The following PDE1C variants were observed in gnomAD, a reference collection of about 807,000 sequenced individuals.
PDE1C encodes the protein phosphodiesterase 1C.
Under a neutral mutation model 93.1 loss-of-function variants are expected in PDE1C, and 62 were observed. The observed-to-expected ratio is 0.67, with a 90% confidence interval of 0.54 to 0.82. The LOEUF (loss-of-function observed/expected upper bound fraction) is 0.82. Ranked by LOEUF, PDE1C falls within the 40% of genes least tolerant of loss-of-function variation. PDE1C has a pLI of 0.00. For synonymous variants in PDE1C, 325 were observed against 310.1 expected (o/e 1.05, Z -0.50); for missense variants, 742 against 884.6 (o/e 0.84, Z 2.04).
chr7:31,786,832 A>C (rs1050069574), intron 16 of PDE1C: 6 of 152,166 alleles, frequency 3.9e-5, no homozygotes, highest in African/African-American at 1.4e-4. Context: ...GGAATGTTAC[A>C]AAGTAATTTC....
chr7:32,042,225 G>A (rs1791920989), intron 2 of PDE1C, among the ~76,000 whole-genome samples: 1 of 152,136 alleles, frequency 6.6e-6, no homozygotes, highest in Non-Finnish European at 1.5e-5. Flanking sequence ...GCTTGAACTG[G>A]GGAGGCAGAG....
the PDE1C span, among the ~76,000 whole-genome samples, chr7:31,742,458 C>T: frequency 1.3e-5 from 2 of 152,210 alleles, no homozygotes; most frequent in African/African-American, 4.8e-5. Flanking sequence ...GTCCCAGCAA[C>T]TTGGGAGGCT....
At chr7:32,241,246 A>G (rs1231179684) in intron 1 of PDE1C, among the ~76,000 whole-genome samples, 1 of 152,236 alleles carries the variant, frequency 6.6e-6, no homozygotes, top group East Asian at 1.9e-4. Flanking sequence ...GAATTAGCTC[A>G]CTTACAACAT....
chr7:31,655,356 G>T, the PDE1C span, among the ~76,000 whole-genome samples: 29 of 152,108 alleles, frequency 1.9e-4, no homozygotes, highest in African/African-American at 6.8e-4. Context: ...ATACCTCCCA[G>T]AAGTTTCCTC....
At chr7:31,936,188 T>A (rs1805037957) in intron 2 of PDE1C, among the ~76,000 whole-genome samples, 1 of 152,174 alleles carries the variant, frequency 6.6e-6, no homozygotes, top group Non-Finnish European at 1.5e-5. Flanking sequence ...CATGGCTATA[T>A]ACTCAACATT....
At chr7:32,411,712 G>C (rs1272345725) in intron 1 of PDE1C, among the ~76,000 whole-genome samples, 3 of 151,924 alleles carry the variant, frequency 2.0e-5, no homozygotes, top group Non-Finnish European at 4.4e-5. Flanking sequence ...TCAGTAATAA[G>C]CTAACCTTAG....
chr7:31,958,534 C>T (rs1808470740), intron 2 of PDE1C, among the ~76,000 whole-genome samples: 1 of 152,172 alleles, frequency 6.6e-6, no homozygotes, highest in South Asian at 2.1e-4. Flanking sequence ...AATTTCCAAT[C>T]TTCACATATC....
chr7:31,729,491 C>T, the PDE1C span, among the ~76,000 whole-genome samples: 1 of 152,194 alleles, frequency 6.6e-6, no homozygotes, highest in African/African-American at 2.4e-5. Flanking sequence ...TTGCATTTTA[C>T]CTTTTTAAAT....
chr7:32,241,358 C>G (rs955166594), intron 1 of PDE1C, among the ~76,000 whole-genome samples: 1 of 152,084 alleles, frequency 6.6e-6, no homozygotes, highest in Admixed American at 6.5e-5. Flanking sequence ...TACCTCATAC[C>G]CAAGTGAAGA....
intron 7 of PDE1C, among the ~76,000 whole-genome samples, chr7:31,862,623 G>T (rs1794813084): frequency 6.6e-6 from 1 of 152,124 alleles, no homozygotes; most frequent in Non-Finnish European, 1.5e-5. Flanking sequence ...TTTTTATAAA[G>T]GCACTAATCC....
chr7:31,898,679 T>C (rs1799608150), intron 2 of PDE1C, among the ~76,000 whole-genome samples: 1 of 152,194 alleles, frequency 6.6e-6, no homozygotes, highest in Non-Finnish European at 1.5e-5. Flanking sequence ...GAGAGAAATA[T>C]TTCTAAATTT....
At chr7:31,626,181 G>A in the PDE1C span, among the ~76,000 whole-genome samples, 1 of 152,110 alleles carries the variant, frequency 6.6e-6, no homozygotes, top group Admixed American at 6.5e-5. Context: ...TGCATCTTTG[G>A]GCTTTCTTTT....
chr7:32,182,484 G>T (rs1803511375), intron 2 of PDE1C, among the ~76,000 whole-genome samples: 2 of 152,264 alleles, frequency 1.3e-5, no homozygotes, highest in East Asian at 3.9e-4. Context: ...GGGATGCAAG[G>T]CTGGTTCAAC....
In PDE1C at chr7:31,752,434, A is replaced by T. The variant is rs375775016; in HGVS notation, c.*950T>A. 6.6e-6 allele frequency: 1 copy of T among 152,114 alleles called. No individual in the cohort carries two copies. Among genetic ancestry groups the T allele is most frequent in the Non-Finnish European group, 1.5e-5 (1 of 68,018 alleles). 9.4% of individuals were successfully genotyped at this position (152,114 alleles called of 1,614,324 possible). A position where few individuals can be genotyped will look rare whatever the true frequency, so the allele number is the denominator to read the frequency against. On this transcript the variant is annotated 3_prime_UTR_variant, in exon 18 of 18. Coordinates refer to ENST00000396191, the MANE Select transcript of PDE1C (RefSeq NM_001191057.4). The stretch of plus-strand genomic sequence containing the variant: ...TAGCGTGCTGTGAAGAGGATCTGAA[A>T]TGTAACTTAAAGGCATCTCTAGCCT...
At chr7:32,235,810 G>A (rs1808035431) in intron 1 of PDE1C, among the ~76,000 whole-genome samples, 1 of 152,088 alleles carries the variant, frequency 6.6e-6, no homozygotes, top group Non-Finnish European at 1.5e-5. Context: ...ATTTTGAAAT[G>A]TATGTGGAAT....
At chr7:31,955,463 C>T (rs1807998267) in intron 2 of PDE1C, among the ~76,000 whole-genome samples, 1 of 152,124 alleles carries the variant, frequency 6.6e-6, no homozygotes, top group Non-Finnish European at 1.5e-5. Flanking sequence ...TAAATATGAG[C>T]TAATCTTATA....
chr7:31,784,486 G>C (rs940125304), intron 16 of PDE1C: 8 of 152,002 alleles, frequency 5.3e-5, no homozygotes, highest in African/African-American at 1.9e-4. Flanking sequence ...CATACGAATT[G>C]CATGGAACAA....
intron 2 of PDE1C, among the ~76,000 whole-genome samples, chr7:32,190,996 T>A (rs1804193511): frequency 6.6e-6 from 1 of 152,052 alleles, no homozygotes; most frequent in Non-Finnish European, 1.5e-5. Flanking sequence ...AAGTGAAATA[T>A]CCTGGGAGAG....
intron 2 of PDE1C, among the ~76,000 whole-genome samples, chr7:31,976,355 G>A (rs1336573810): frequency 6.6e-6 from 1 of 152,126 alleles, no homozygotes; most frequent in Admixed American, 6.6e-5. Flanking sequence ...CAGGTGAAAT[G>A]CATGTTACAA....
Sources: allele counts gnomAD v4.1 joint callset (sites outside exome capture counted in the v4.1 genomes callset), GRCh38; gene constraint gnomAD v4.1.1; transcripts MANE v1.5; gene names NCBI Gene and HGNC (gene_info 2026-07-23, HGNC 2026-07-21).